The following ZPBP variants were observed in gnomAD, a reference collection of about 807,000 sequenced individuals.
The protein encoded by ZPBP is zona pellucida-binding protein 1.
Under a neutral mutation model 44.8 loss-of-function variants are expected in ZPBP, and 26 were observed. The observed-to-expected ratio is 0.58, with a 90% confidence interval of 0.43 to 0.81. ZPBP has a LOEUF of 0.81. Ranked by LOEUF, ZPBP falls within the 30% of genes least tolerant of loss-of-function variation. ZPBP has a pLI of 0.00. For missense variants in ZPBP, 409 were observed against 434.0 expected (o/e 0.94, Z 0.51); for synonymous variants, 174 against 153.2 (o/e 1.14, Z -1.00).
intron 2 of ZPBP, among the ~76,000 whole-genome samples, chr7:49,890,393 T>C (rs1211910603): frequency 6.6e-6 from 1 of 152,134 alleles, no homozygotes; most frequent in East Asian, 1.9e-4. Flanking sequence ...CAACAGTCAG[T>C]ATGGAAAGGA....
intron 7 of ZPBP, chr7:49,942,217 T>C (rs986120960): frequency 8.1e-5 from 13 of 160,588 alleles, no homozygotes; most frequent in African/African-American, 2.4e-5. Context: ...TTTTGCATAT[T>C]TTTGTATAAT....
At chr7:50,067,042 T>G (rs1801541701) in intron 3 of ZPBP, among the ~76,000 whole-genome samples, 1 of 152,202 alleles carries the variant, frequency 6.6e-6, no homozygotes, top group Non-Finnish European at 1.5e-5. Context: ...ATATGGGTCC[T>G]AGAGTGGTTA....
At chr7:50,085,261 G>A (rs1226699116) in intron 2 of ZPBP, among the ~76,000 whole-genome samples, 3 of 152,092 alleles carry the variant, frequency 2.0e-5, no homozygotes, top group African/African-American at 7.2e-5. Context: ...AAAGTCTTCA[G>A]AAGAAACCAA....
chr7:50,064,636 T>C (rs1801412628), intron 3 of ZPBP, among the ~76,000 whole-genome samples: 1 of 152,208 alleles, frequency 6.6e-6, no homozygotes, highest in Non-Finnish European at 1.5e-5. Flanking sequence ...ATTTCTCCCA[T>C]TTGCTTTTGA....
intron 2 of ZPBP, among the ~76,000 whole-genome samples, chr7:49,864,412 G>A (rs1248794211): frequency 2.0e-5 from 3 of 152,110 alleles, no homozygotes; most frequent in African/African-American, 4.8e-5. Context: ...GTTTTTTTCT[G>A]ATCATGCATC....
intron 1 of ZPBP, among the ~76,000 whole-genome samples, chr7:49,910,210 G>C (rs12112260): frequency 0.029 from 4,375 of 152,236 alleles, 236 homozygotes; most frequent in African/African-American, 0.1. Flanking sequence ...CCAGAAGCGG[G>C]GGCCCTCCAC....
chr7:49,954,361 T>TTAAA (rs939140020), intron 7 of ZPBP, among the ~76,000 whole-genome samples: 1 of 152,092 alleles, frequency 6.6e-6, no homozygotes, highest in Non-Finnish European at 1.5e-5. Context: ...AAACATAAGG[T>TTAAA]TAAATCTTCA....
At chr7:50,069,150 A>G (rs959743323) in intron 3 of ZPBP, among the ~76,000 whole-genome samples, 3 of 152,198 alleles carry the variant, frequency 2.0e-5, no homozygotes, top group African/African-American at 7.2e-5. Context: ...TGAGATTGAC[A>G]GCCTGTATTC....
chr7:50,029,835 G>A lies in ZPBP; in HGVS notation c.706+1257C>T, dbSNP rs981596984. Reference sequence around the variant, plus strand: ...CTTTCAGCTTTTGTTTTTTGTTGTTGTTGTTGTTGCTGTTGTTGTTGTTGT... The same window carrying A: ...CTTTCAGCTTTTGTTTTTTGTTGTTATTGTTGTTGCTGTTGTTGTTGTTGT... On this transcript the variant is annotated intron_variant, in intron 5 of 7. Coordinates refer to ENST00000046087, the MANE Select transcript of ZPBP (RefSeq NM_007009.3). Among the ~76,000 whole-genome samples, 3 of 125,480 alleles carry A rather than the reference G, an allele frequency of 2.4e-5. No homozygotes were observed. The South Asian group carries it at 7.8e-4, about 32-fold the overall frequency. The allele number at this position is 125,480 out of a possible 152,430, so 82.3% of individuals were successfully genotyped here.
chr7:50,062,297 A>G (rs562728283), intron 3 of ZPBP, among the ~76,000 whole-genome samples: 1 of 152,172 alleles, frequency 6.6e-6, no homozygotes, highest in South Asian at 2.1e-4. Flanking sequence ...TTACCAGTGA[A>G]ATTTTTCATA....
intron 3 of ZPBP, among the ~76,000 whole-genome samples, chr7:50,077,109 A>T (rs895567829): frequency 6.6e-6 from 1 of 151,762 alleles, no homozygotes; most frequent in African/African-American, 2.4e-5. Context: ...TCTACGGTGA[A>T]TTCATTTTTG....
At chr7:50,021,339 C>G (rs765449253) in intron 5 of ZPBP, among the ~76,000 whole-genome samples, 39 of 151,930 alleles carry the variant, frequency 2.6e-4, no homozygotes, top group Non-Finnish European at 3.7e-4. Context: ...AGTTACAGGA[C>G]AAAATCTAAT....
intron 1 of ZPBP, among the ~76,000 whole-genome samples, chr7:49,930,482 A>G (rs1197340022): frequency 1.3e-5 from 2 of 152,242 alleles, no homozygotes; most frequent in African/African-American, 4.8e-5. Context: ...CAACAGCAAC[A>G]TTATTACATG....
At chr7:49,882,842 G>GTGTTTTTGGGTTTTTTTTGTTTT (rs1791727711) in intron 2 of ZPBP, among the ~76,000 whole-genome samples, 1 of 151,816 alleles carries the variant, frequency 6.6e-6, no homozygotes, top group African/African-American at 2.4e-5. Flanking sequence ...TCTATTTTTT[G>GTGTTTTTGGGTTTTTTTTGTTTT]TGTTTTTGGG....
At chr7:49,974,606 A>G (rs933097498) in intron 7 of ZPBP, among the ~76,000 whole-genome samples, 26 of 152,136 alleles carry the variant, frequency 1.7e-4, no homozygotes, top group African/African-American at 6.3e-4. Context: ...ACTCTCCCTT[A>G]GAGTAGAATT....
At chr7:49,949,410 A>G (rs1194992620) in intron 7 of ZPBP, among the ~76,000 whole-genome samples, 1 of 152,162 alleles carries the variant, frequency 6.6e-6, no homozygotes, top group African/African-American at 2.4e-5. Flanking sequence ...TAAATGAAAA[A>G]CAAAATGTGT....
At chr7:50,034,291 C>A (rs1189955709) in intron 4 of ZPBP, among the ~76,000 whole-genome samples, 1 of 151,880 alleles carries the variant, frequency 6.6e-6, no homozygotes, top group Non-Finnish European at 1.5e-5. Flanking sequence ...ACTCACTCAT[C>A]TGACTTGAAA....
intron 3 of ZPBP, among the ~76,000 whole-genome samples, chr7:50,078,311 A>G (rs1363658215): frequency 6.6e-6 from 1 of 151,674 alleles, no homozygotes; most frequent in Non-Finnish European, 1.5e-5. Flanking sequence ...GAAAAAATGA[A>G]TAAGACCTAC....
downstream of ZPBP, among the ~76,000 whole-genome samples, chr7:49,933,523 A>G (rs1794520376): frequency 6.6e-6 from 1 of 152,214 alleles, no homozygotes; most frequent in African/African-American, 2.4e-5. Flanking sequence ...AACTAGAAAT[A>G]CCATTTGACC....
Sources: allele counts gnomAD v4.1 joint callset (sites outside exome capture counted in the v4.1 genomes callset), GRCh38; gene constraint gnomAD v4.1.1; transcripts MANE v1.5; gene names NCBI Gene and HGNC (gene_info 2026-07-23, HGNC 2026-07-21).